Variants in NELL1 observed in about 807,000 individuals in gnomAD.
NELL1 encodes the protein protein kinase C-binding protein NELL1.
A neutral mutation model predicts 107.4 loss-of-function variants in NELL1; 76 were observed. The ratio of observed to expected loss-of-function variants is 0.71; its 90% CI spans 0.59 to 0.86. The LOEUF (loss-of-function observed/expected upper bound fraction) is 0.86, where lower values mean the gene tolerates loss of function less well. Ranked by LOEUF, NELL1 falls within the 40% of genes least tolerant of loss-of-function variation. The pLI is 0.00. For missense variants in NELL1, 1,024 were observed against 1,005.5 expected (o/e 1.02, Z -0.25); for synonymous variants, 353 against 341.2 (o/e 1.03, Z -0.38).
At chr11:21,213,484 G>T (rs1377742) in intron 13 of NELL1, among the ~76,000 whole-genome samples, 4 of 151,868 alleles carry the variant, frequency 2.6e-5, no homozygotes, top group African/African-American at 9.7e-5. Context: ...GAATTGAATC[G>T]ACTGAATCAA....
chr11:21,459,578 G>C (rs1477769827), intron 15 of NELL1, among the ~76,000 whole-genome samples: 3 of 148,264 alleles, frequency 2.0e-5, no homozygotes, highest in African/African-American at 7.8e-5. Context: ...TCCTGGAAGA[G>C]ATTGAGGACT....
chr11:21,226,707 A>G lies in NELL1; in HGVS notation c.1427-2625A>G, dbSNP rs1345163676. Among the ~76,000 whole-genome samples the G allele has an allele frequency of 5.3e-5, 8 of 152,318 alleles. No homozygotes were observed. In the East Asian group the frequency reaches 1.5e-3, roughly 29 times the overall value. ...ATTAATGACAAAATTTGCAAATATC[A>G]TCACAATATATTATGATATCATTGC... is the stretch of plus-strand genomic sequence containing the variant. On this transcript the variant is annotated intron_variant, in intron 13 of 19. Transcript: ENST00000357134.
chr11:20,741,758 A>G (rs910950413), intron 2 of NELL1, among the ~76,000 whole-genome samples: 1 of 152,178 alleles, frequency 6.6e-6, no homozygotes, highest in Non-Finnish European at 1.5e-5. Flanking sequence ...CAATTTTCAG[A>G]ATTCTGGGAC....
chr11:20,934,537 G>C (rs2134181145), intron 9 of NELL1, among the ~76,000 whole-genome samples: 1 of 152,360 alleles, frequency 6.6e-6, no homozygotes, highest in East Asian at 1.9e-4. Flanking sequence ...AAGGGGAAGA[G>C]AGGATTTGGA....
chr11:20,720,103 G>A (rs1372956912), intron 2 of NELL1, among the ~76,000 whole-genome samples: 8 of 152,014 alleles, frequency 5.3e-5, no homozygotes, highest in Non-Finnish European at 2.9e-5. Context: ...TTTTATTGCT[G>A]GAGATGAGAA....
chr11:21,172,601 C>A (rs7948260), intron 13 of NELL1, among the ~76,000 whole-genome samples: 1 of 151,256 alleles, frequency 6.6e-6, no homozygotes, highest in Non-Finnish European at 1.5e-5. Flanking sequence ...CTACCTTCTC[C>A]GAGGGATTAA....
intron 3 of NELL1, among the ~76,000 whole-genome samples, chr11:20,812,880 C>T (rs537914466): frequency 3.3e-5 from 5 of 150,414 alleles, no homozygotes; most frequent in South Asian, 2.1e-4. Context: ...AGGTGGCGGG[C>T]GCCTGTAGTC....
intron 5 of NELL1, among the ~76,000 whole-genome samples, chr11:20,915,700 GATAT>G (rs369114547): frequency 3.4e-4 from 10 of 29,452 alleles, no homozygotes; most frequent in African/African-American, 6.2e-4. Context: ...CCTCATAGAT[GATAT>G]ATATATATAT....
At chr11:21,088,329 T>G (rs1477198517) in intron 12 of NELL1, among the ~76,000 whole-genome samples, 1 of 152,136 alleles carries the variant, frequency 6.6e-6, no homozygotes, top group Admixed American at 6.5e-5. Flanking sequence ...CACAATGGTT[T>G]TTTTCTCATT....
chr11:21,377,634 G>A (rs949052200), intron 15 of NELL1, among the ~76,000 whole-genome samples: 8 of 151,860 alleles, frequency 5.3e-5, no homozygotes, highest in African/African-American at 1.7e-4. Context: ...CTCTTTGTAT[G>A]TCTAGTAGAA....
At chr11:21,497,865 G>C (rs1371386945) in intron 15 of NELL1, among the ~76,000 whole-genome samples, 1 of 151,958 alleles carries the variant, frequency 6.6e-6, no homozygotes, top group Non-Finnish European at 1.5e-5. Flanking sequence ...GTTTATACCT[G>C]TGATATATTT....
At chr11:21,250,290 G>T (rs2133909454) in intron 14 of NELL1, among the ~76,000 whole-genome samples, 1 of 152,240 alleles carries the variant, frequency 6.6e-6, no homozygotes, top group South Asian at 2.1e-4. Context: ...TGATCTCTAA[G>T]TAACAGTTAC....
At chr11:21,412,110 C>G (rs1353095404) in intron 15 of NELL1, among the ~76,000 whole-genome samples, 2 of 152,032 alleles carry the variant, frequency 1.3e-5, no homozygotes, top group Admixed American at 6.6e-5. Context: ...TAGGCATTCT[C>G]AAATTCAAGG....
chr11:20,937,354 T>A (rs372516023), intron 9 of NELL1, among the ~76,000 whole-genome samples: 3 of 152,194 alleles, frequency 2.0e-5, no homozygotes, highest in Admixed American at 1.3e-4. Context: ...GAAGAAATGG[T>A]GTCCTTCTCC....
rs1565175620 is a variant in NELL1, at chr11:21,337,840, T to TG, written c.1550-33013_1550-33012insG. 7.0e-3 allele frequency among the ~76,000 whole-genome samples: 765 copies of TG among 109,838 alleles called. 23 individuals carry two copies. The highest frequency in any genetic ancestry group is 0.021 in the African/African-American group (562 of 26,444). 72.1% of individuals were successfully genotyped at this position (109,838 alleles called of 152,430 possible). A position where few individuals can be genotyped will look rare whatever the true frequency, so the allele number is the denominator to read the frequency against. ...TCCTTCTTTCTTTCTTTCTTTCTTT[T>TG]CTTTCTTTCTTTCTTTCTTTCTTTC... On this transcript the variant is annotated intron_variant, in intron 14 of 19. Coordinates refer to ENST00000357134, the MANE Select transcript of NELL1 (RefSeq NM_006157.5).
chr11:21,436,756 A>G (rs767007521), intron 15 of NELL1, among the ~76,000 whole-genome samples: 1 of 152,130 alleles, frequency 6.6e-6, no homozygotes, highest in Non-Finnish European at 1.5e-5. Flanking sequence ...TTTATAAAAT[A>G]GACAGTTATT....
intron 13 of NELL1, among the ~76,000 whole-genome samples, chr11:21,200,713 C>T (rs1262346160): frequency 6.6e-6 from 1 of 152,146 alleles, no homozygotes; most frequent in Admixed American, 6.5e-5. Flanking sequence ...TTGCCCATGC[C>T]TGTGTCTTGA....
At chr11:20,863,452 C>G (rs1034996237) in intron 4 of NELL1, among the ~76,000 whole-genome samples, 1 of 136,786 alleles carries the variant, frequency 7.3e-6, no homozygotes, top group African/African-American at 2.6e-5. Flanking sequence ...GGCGGAGGGG[C>G]TCCTCACTTC....
chr11:20,712,153 TTA>T lies in NELL1; in HGVS notation c.184+34095_184+34096del, dbSNP rs1293625865. On this transcript the variant is annotated intron_variant, in intron 2 of 19. Transcript: ENST00000357134. The stretch of plus-strand genomic sequence containing the variant: ...GGAGGCTTTGTTAATTTTTTAAAAA[TTA>T]TTTTTTCTTTGTTTTTATCTGATTG... Among the ~76,000 whole-genome samples the T allele has an allele frequency of 2.0e-5, 3 of 152,118 alleles. No homozygotes were observed. The South Asian group carries it at 6.2e-4, about 31-fold the overall frequency.
Sources: gnomAD v4.1 joint callset for allele counts (sites outside exome capture counted in the v4.1 genomes callset) on GRCh38, gnomAD v4.1.1 for gene constraint, MANE v1.5 for transcripts, NCBI Gene and HGNC (gene_info 2026-07-23, HGNC 2026-07-21) for gene names.